RORA: variants seen among roughly 807,000 people sequenced by gnomAD.
RORA encodes the protein nuclear receptor ROR-alpha.
RORA carries 7 observed loss-of-function variants against 69.5 expected under a neutral mutation model. The observed-to-expected ratio is 0.10, with a 90% CI of 0.06 to 0.19. The LOEUF (loss-of-function observed/expected upper bound fraction) is 0.19. Ranked by LOEUF, RORA falls within the 10% of genes least tolerant of loss-of-function variation. RORA has a pLI of 1.00. For missense variants in RORA, 457 were observed against 663.0 expected (o/e 0.69, Z 3.41); for synonymous variants, 261 against 240.8 (o/e 1.08, Z -0.78).
At chr15:60,949,012 G>A (rs78819796) in intron 1 of RORA, among the ~76,000 whole-genome samples, 3,056 of 152,290 alleles carry the variant, frequency 0.02, 46 homozygotes, top group Non-Finnish European at 0.03. Flanking sequence ...ATTCTGAGCG[G>A]TGGACAAGAT....
At chr15:61,211,967 C>G (rs1227604175) in intron 1 of RORA, 1 of 152,204 alleles carries the variant, frequency 6.6e-6, no homozygotes, top group African/African-American at 2.4e-5. Flanking sequence ...CCTGGCCAAA[C>G]ACTTGGTGCA....
chr15:60,714,458 G>A (rs1039731235), intron 1 of RORA, among the ~76,000 whole-genome samples: 9 of 151,826 alleles, frequency 5.9e-5, no homozygotes, highest in South Asian at 4.2e-4. Flanking sequence ...TCAACCTCCT[G>A]GGCTCAAGCG....
At chr15:61,179,411 T>C (rs533188143) in intron 1 of RORA, among the ~76,000 whole-genome samples, 1 of 152,328 alleles carries the variant, frequency 6.6e-6, no homozygotes, top group South Asian at 2.1e-4. Context: ...AGAATGCCAC[T>C]CTTCTAACTG....
intron 2 of RORA, among the ~76,000 whole-genome samples, chr15:60,544,478 T>TG (rs1284678631): frequency 3.8e-4 from 57 of 151,928 alleles, no homozygotes; most frequent in African/African-American, 1.2e-3. Flanking sequence ...CCCTGCTTTT[T>TG]TTTGTTGTTG....
At chr15:60,878,096 G>A (rs926646030) in intron 1 of RORA, among the ~76,000 whole-genome samples, 12 of 151,006 alleles carry the variant, frequency 7.9e-5, no homozygotes, top group East Asian at 3.9e-4. Flanking sequence ...GGAAGCCGAG[G>A]TGGGCGGATC....
chr15:60,792,314 A>G (rs1435211092), intron 1 of RORA, among the ~76,000 whole-genome samples: 4 of 152,210 alleles, frequency 2.6e-5, no homozygotes, highest in Admixed American at 6.5e-5. Flanking sequence ...GAGCATTATA[A>G]ACCATCAAAC....
At chr15:60,514,839 G>A (rs750347140) in intron 3 of RORA, 82 bp from the exon 4 acceptor site, 14 of 1,025,438 alleles carry the variant, frequency 1.4e-5, no homozygotes, top group Non-Finnish European at 2.1e-5. Flanking sequence ...TAAGCACTGA[G>A]TGGCATTAAT....
In RORA at chr15:60,514,677, A is replaced by G. The variant is rs1326649954; in HGVS notation, c.363T>C (p.Ser121=). ...RQKNCLIDRT[S]RNRCQHCRLQ... ...ATCGACAGTGTTGGCAGCGGTTTCTACTGGTTCGATCAATCAAACAGTTCT... is the reference window on the plus strand; with the variant it reads ...ATCGACAGTGTTGGCAGCGGTTTCTGCTGGTTCGATCAATCAAACAGTTCT... The change falls in exon 4 of 11, where the codon AGT becomes AGC. Residue 121 remains serine (S), a synonymous_variant. Transcript: ENST00000335670. The G allele has an allele frequency of 3.1e-6, 5 of 1,614,168 alleles. No individual in the cohort carries two copies. The highest frequency in any genetic ancestry group is 2.7e-5 in the African/African-American group (2 of 75,048).
intron 1 of RORA, among the ~76,000 whole-genome samples, chr15:60,874,253 G>A (rs1454749036): frequency 6.6e-6 from 1 of 152,122 alleles, no homozygotes; most frequent in Non-Finnish European, 1.5e-5. Context: ...CTGTGTCCTT[G>A]AGGGTATAGT....
At chr15:61,228,289 A>G (rs1459368262) in intron 1 of RORA, among the ~76,000 whole-genome samples, 1 of 151,848 alleles carries the variant, frequency 6.6e-6, no homozygotes, top group Non-Finnish European at 1.5e-5. Context: ...TGGCGCGCAC[A>G]CGCCCCCCGC....
intron 1 of RORA, among the ~76,000 whole-genome samples, chr15:61,014,647 T>C (rs1895217460): frequency 6.6e-6 from 1 of 152,208 alleles, no homozygotes. Flanking sequence ...TAAGGCAAAA[T>C]TAAGTGTAGA....
At chr15:61,218,645 G>A (rs965026983) in intron 1 of RORA, among the ~76,000 whole-genome samples, 4 of 149,224 alleles carry the variant, frequency 2.7e-5, no homozygotes, top group African/African-American at 7.4e-5. Flanking sequence ...TTTGGTATTC[G>A]TGGGTCCAAG....
chr15:60,933,986 T>G (rs1393974125), intron 1 of RORA, among the ~76,000 whole-genome samples: 1 of 152,216 alleles, frequency 6.6e-6, no homozygotes, highest in Non-Finnish European at 1.5e-5. Context: ...ATTGGAGTCT[T>G]GCAGCTGACA....
At chr15:60,526,169 A>G (rs971846762) in intron 3 of RORA, among the ~76,000 whole-genome samples, 32 of 152,204 alleles carry the variant, frequency 2.1e-4, no homozygotes, top group Admixed American at 2.1e-3. Context: ...ACAGAAATTC[A>G]GATTTCCTGA....
Position 60,558,304 on chromosome 15 carries a change from T to C in RORA, c.197-26453A>G, listed in dbSNP as rs1283764465. 3.7e-6 allele frequency: 6 copies of C among 1,609,278 alleles called. No homozygotes were observed. The highest frequency in any genetic ancestry group is 1.7e-4 in the Middle Eastern group (1 of 5,844). ...TATTTGGAGAATCCCAAAAAGTTCA[T>C]CCCTGGAACGAAAATGATAGCCTAT... On this transcript the variant is annotated intron_variant, in intron 2 of 10. Coordinates refer to ENST00000335670, the MANE Select transcript of RORA (RefSeq NM_134261.3).
intron 1 of RORA, among the ~76,000 whole-genome samples, chr15:60,975,759 G>C (rs1422089393): frequency 2.0e-5 from 3 of 152,204 alleles, no homozygotes; most frequent in African/African-American, 4.8e-5. Flanking sequence ...CTGGGCACAG[G>C]AAACGGGAGA....
chr15:60,688,537 G>A (rs987083595), intron 1 of RORA, among the ~76,000 whole-genome samples: 3 of 152,142 alleles, frequency 2.0e-5, no homozygotes, highest in Non-Finnish European at 4.4e-5. Flanking sequence ...GTGACTGTTA[G>A]GAGACCCAGT....
At chr15:61,089,802 G>A (rs1410572114) in intron 1 of RORA, among the ~76,000 whole-genome samples, 1 of 152,260 alleles carries the variant, frequency 6.6e-6, no homozygotes, top group African/African-American at 2.4e-5. Flanking sequence ...GTAGCCCACC[G>A]AGCAGTGACA....
intron 1 of RORA, among the ~76,000 whole-genome samples, chr15:60,884,088 G>A (rs752619237): frequency 6.6e-6 from 1 of 152,198 alleles, no homozygotes; most frequent in African/African-American, 2.4e-5. Flanking sequence ...TGTGGCAGCC[G>A]TAGAGGCTGG....
Sources: allele counts gnomAD v4.1 joint callset (sites outside exome capture counted in the v4.1 genomes callset), GRCh38; gene constraint gnomAD v4.1.1; transcripts MANE v1.5; gene names NCBI Gene and HGNC (gene_info 2026-07-23, HGNC 2026-07-21).